LIMCH1: variants seen among roughly 807,000 people sequenced by gnomAD.
LIMCH1 encodes the protein LIM and calponin homology domains-containing protein 1.
In LIMCH1, 113 loss-of-function variants were observed where a neutral mutation model predicts 176.5. The ratio of observed to expected loss-of-function variants is 0.64; its 90% confidence interval spans 0.55 to 0.75. LIMCH1 has a LOEUF of 0.75. LIMCH1 is among the 30% of genes least tolerant of loss of function. The pLI is 0.00. For synonymous variants in LIMCH1, 619 were observed against 645.9 expected (o/e 0.96, Z 0.63); for missense variants, 1,674 against 1,814.9 (o/e 0.92, Z 1.41).
chr4:41,548,478 T>C (rs1393795445), intron 1 of LIMCH1, among the ~76,000 whole-genome samples: 1 of 152,152 alleles, frequency 6.6e-6, no homozygotes, highest in Non-Finnish European at 1.5e-5. Context: ...CAGTCAATTT[T>C]CTCTTATTCA....
At chr4:41,630,909 A>G (rs1184535163) in intron 9 of LIMCH1, among the ~76,000 whole-genome samples, 1 of 152,228 alleles carries the variant, frequency 6.6e-6, no homozygotes, top group Non-Finnish European at 1.5e-5. Flanking sequence ...CACTTTATTC[A>G]TGTGGATTCA....
At chr4:41,526,254 G>C (rs1583503890) in intron 3 of LIMCH1, among the ~76,000 whole-genome samples, 1 of 136,526 alleles carries the variant, frequency 7.3e-6, no homozygotes, top group African/African-American at 2.9e-5. Context: ...CTTTGTCCTT[G>C]CTATCGCTTT....
chr4:41,570,773 A>T (rs1037740215), intron 1 of LIMCH1, among the ~76,000 whole-genome samples: 1 of 152,018 alleles, frequency 6.6e-6, no homozygotes, highest in Non-Finnish European at 1.5e-5. Context: ...GATGAGAGTT[A>T]TTGGCCATGG....
rs149174573 is a variant in LIMCH1, at chr4:41,421,055, G to A, written c.96+60119G>A. Among the ~76,000 whole-genome samples, 108 of 152,260 alleles carry A rather than the reference G, an allele frequency of 7.1e-4. 1 individual carries two copies. In the South Asian group the frequency reaches 0.02, roughly 28 times the overall value. ...TGCAACCTTGGGGGTTGTTAGGGCC[G>A]GCCCCAAGAATCGTATCCCCAAGTA... On this transcript the variant is annotated intron_variant, in intron 1 of 26. Coordinates refer to the LIMCH1 transcript ENST00000313860.
intron 1 of LIMCH1, among the ~76,000 whole-genome samples, chr4:41,549,174 G>T (rs979450430): frequency 6.6e-6 from 1 of 152,040 alleles, no homozygotes; most frequent in South Asian, 2.1e-4. Context: ...ACAGGCATAC[G>T]GGCCACTGTG....
intron 1 of LIMCH1, among the ~76,000 whole-genome samples, chr4:41,364,564 A>G (rs2154092210): frequency 6.6e-6 from 1 of 152,330 alleles, no homozygotes; most frequent in Admixed American, 6.5e-5. Context: ...TTGCACTAAA[A>G]GTGACTTGGG....
chr4:41,677,204 G>C (rs1399423826), intron 23 of LIMCH1, among the ~76,000 whole-genome samples: 1 of 150,746 alleles, frequency 6.6e-6, no homozygotes, highest in African/African-American at 2.4e-5. Context: ...GAGGTCAGGA[G>C]TTGGAGACTA....
chr4:41,581,630 C>A (rs1376432174), intron 1 of LIMCH1, among the ~76,000 whole-genome samples: 1 of 152,008 alleles, frequency 6.6e-6, no homozygotes, highest in South Asian at 2.1e-4. Flanking sequence ...CATGGTGAAA[C>A]CCTGTCTCTA....
intron 7 of LIMCH1, among the ~76,000 whole-genome samples, chr4:41,624,719 T>C (rs2152839291): frequency 6.6e-6 from 1 of 152,192 alleles, no homozygotes; most frequent in Middle Eastern, 3.4e-3. Context: ...CAATCTGACC[T>C]GGTTGCTTAT....
chr4:41,479,382 G>C (rs1047656483), intron 1 of LIMCH1, among the ~76,000 whole-genome samples: 3 of 152,142 alleles, frequency 2.0e-5, no homozygotes, highest in Admixed American at 1.3e-4. Context: ...CTCCCAAGTA[G>C]CTGGGTCTAC....
intron 1 of LIMCH1, among the ~76,000 whole-genome samples, chr4:41,491,892 G>A (rs981439328): frequency 4.0e-5 from 6 of 149,222 alleles, no homozygotes; most frequent in African/African-American, 9.9e-5. Flanking sequence ...TGGGGCAGCC[G>A]GGCAGAGGCA....
At chr4:41,652,038 T>A (rs940842931) in intron 18 of LIMCH1, among the ~76,000 whole-genome samples, 5 of 152,154 alleles carry the variant, frequency 3.3e-5, no homozygotes, top group African/African-American at 1.2e-4. Flanking sequence ...CTGTTCTAAT[T>A]TATAGCATTT....
intron 16 of LIMCH1, 89 bp downstream of exon 16, chr4:41,646,369 A>T (rs1385998447): frequency 1.3e-6 from 2 of 1,509,322 alleles, no homozygotes; most frequent in Non-Finnish European, 1.8e-6. Flanking sequence ...AAAGGTTCTG[A>T]TAGTAACATT....
chr4:41,566,554 G>A (rs1584218360), intron 1 of LIMCH1, among the ~76,000 whole-genome samples: 1 of 152,128 alleles, frequency 6.6e-6, no homozygotes, highest in Non-Finnish European at 1.5e-5. Flanking sequence ...CATGATGTAG[G>A]CAGTTTCCTG....
intron 2 of LIMCH1, among the ~76,000 whole-genome samples, chr4:41,601,258 A>G (rs2089871421): frequency 6.6e-6 from 1 of 152,232 alleles, no homozygotes; most frequent in Non-Finnish European, 1.5e-5. Context: ...AGAAGCAAAG[A>G]AGTAAACAAA....
At chr4:41,630,001 T>C (rs934432076) in intron 9 of LIMCH1, among the ~76,000 whole-genome samples, 2 of 152,072 alleles carry the variant, frequency 1.3e-5, no homozygotes, top group South Asian at 4.2e-4. Context: ...AGACAAGGTC[T>C]CACTATGCTG....
intron 14 of LIMCH1, among the ~76,000 whole-genome samples, chr4:41,641,084 C>T (rs542216425): frequency 6.6e-6 from 1 of 152,140 alleles, no homozygotes; most frequent in Non-Finnish European, 1.5e-5. Context: ...TGGGGTAATT[C>T]CATCCCGGCC....
intron 3 of LIMCH1, 58 bp from the exon 4 acceptor site, chr4:41,605,836 C>T: frequency 9.5e-7 from 1 of 1,053,808 alleles, no homozygotes; most frequent in Middle Eastern, 2.0e-4. Flanking sequence ...TTATTGACTC[C>T]TTAGTTTAAA....
chr4:41,536,991 A>G (rs190539197), upstream of LIMCH1, among the ~76,000 whole-genome samples: 1 of 152,360 alleles, frequency 6.6e-6, no homozygotes, highest in African/African-American at 2.4e-5. Context: ...AACTCTGCAT[A>G]TTATCTTTGT....
Sources: gnomAD v4.1 joint callset for allele counts (sites outside exome capture counted in the v4.1 genomes callset) on GRCh38, gnomAD v4.1.1 for gene constraint, MANE v1.5 for transcripts, NCBI Gene and HGNC (gene_info 2026-07-23, HGNC 2026-07-21) for gene names.